Variants in CTSZ observed in about 807,000 individuals in gnomAD.
CTSZ encodes cathepsin Z.
CTSZ carries 39 observed loss-of-function variants against 32.4 expected under a neutral mutation model. The observed-to-expected ratio is 1.20, with a 90% CI of 0.93 to 1.57. The LOEUF (loss-of-function observed/expected upper bound fraction) is 1.57. Ranked by LOEUF, CTSZ falls within the 40% of genes most tolerant of loss-of-function variation. The pLI, the probability that CTSZ is intolerant of heterozygous loss-of-function variation, is 0.00. For synonymous variants in CTSZ, 168 were observed against 170.1 expected (o/e 0.99, Z 0.10); for missense variants, 397 against 419.6 (o/e 0.95, Z 0.47).
At chr20:58,998,643 A>G (rs1434775917) in intron 3 of CTSZ, among the ~76,000 whole-genome samples, 4 of 152,176 alleles carry the variant, frequency 2.6e-5, no homozygotes, top group African/African-American at 7.2e-5. Flanking sequence ...AGATGGCTTG[A>G]TACCAGGAGT....
chr20:59,000,506 T>TG, intron 3 of CTSZ, among the ~76,000 whole-genome samples: 1 of 152,232 alleles, frequency 6.6e-6, no homozygotes, highest in East Asian at 1.9e-4. Context: ...CAGGCTAGCT[T>TG]GGGTCTGCTC....
At chr20:59,006,535 C>G (rs1363059880) in intron 1 of CTSZ, 50 bp from the exon 2 acceptor site, 3 of 1,562,524 alleles carry the variant, frequency 1.9e-6, no homozygotes, top group Non-Finnish European at 2.6e-6. Context: ...TCCCGGGGGC[C>G]GTGGGCCCAG....
chr20:59,006,153 T>TCCCCCC, intron 2 of CTSZ, 169 bp downstream of exon 2: 1 of 817,120 alleles, frequency 1.2e-6, no homozygotes, highest in Admixed American at 3.0e-5. Flanking sequence ...CCAGCTTGGG[T>TCCCCCC]CACCTCAGCA....
At position 59,004,263 on chromosome 20, in the gene CTSZ, G is replaced by A. The variant is rs1481304943; in HGVS notation, c.307+2059C>T. 4.6e-5 allele frequency among the ~76,000 whole-genome samples: 7 copies of A among 152,098 alleles called. No homozygotes were observed. Among genetic ancestry groups the A allele is most frequent in the Admixed American group, 4.6e-4 (7 of 15,278 alleles). On this transcript the variant is annotated intron_variant, in intron 2 of 5. Transcript: ENST00000217131. This position sits in a 1 kb window ranked among gnomAD's most constrained non-coding sequence, Gnocchi z 5.6. The stretch of plus-strand genomic sequence containing the variant: ...GGGCGAGTGGGCAGGTGGATGTCAA[G>A]CTGAGTTCAGGTGAAGGGTTGGTCC...
intron 3 of CTSZ, among the ~76,000 whole-genome samples, chr20:59,000,249 A>AGG: frequency 6.8e-6 from 1 of 146,826 alleles, no homozygotes; most frequent in East Asian, 2.1e-4. Context: ...GTGGTGGCGC[A>AGG]TGCCTGTAAT....
chr20:58,995,958 A>C (rs562459999), intron 5 of CTSZ, among the ~76,000 whole-genome samples, 199 bp from the exon 6 acceptor site: 4 of 152,134 alleles, frequency 2.6e-5, no homozygotes, highest in Non-Finnish European at 5.9e-5. Context: ...TCACTTGGTT[A>C]ATGTTTAACA....
At chr20:59,000,999 T>C (rs1242333228) in intron 3 of CTSZ, among the ~76,000 whole-genome samples, 2 of 151,944 alleles carry the variant, frequency 1.3e-5, no homozygotes, top group Non-Finnish European at 2.9e-5. Context: ...CAGCTAATTT[T>C]TGTGCTTTTG....
rs1372141190 is a variant in CTSZ at position 58,995,697 on chromosome 20, G to T, written c.864C>A (p.Tyr288Ter). Residue 288 changes from tyrosine (Y) to a stop codon, truncating the protein, a stop_gained, in exon 6 of 6, where the codon TAC becomes TAA. Transcript: ENST00000217131. LOFTEE classifies it high-confidence loss of function. Reference protein sequence around the residue: ...STYKDGKGARYNLAIEEHCTF... With the variant: ...STYKDGKGAR ...TACAGTGCTCCTCGATGGCAAGGTT[G>T]TATCTGGCGCCCTTCCCATCCTTAT... 1.2e-5 allele frequency: 19 copies of T among 1,614,174 alleles called. No homozygotes were observed. The highest frequency in any genetic ancestry group is 1.6e-5 in the Non-Finnish European group (19 of 1,180,024).
intron 4 of CTSZ, 87 bp downstream of exon 4, chr20:58,997,516 A>G: frequency 7.7e-7 from 1 of 1,301,842 alleles, no homozygotes; most frequent in Non-Finnish European, 1.0e-6. Context: ...GTCACCGCGG[A>G]TCTCTCCTCA....
rs2091892270 is a variant in CTSZ at position 59,002,111 on chromosome 20, T to A, written c.308-467A>T. Among the ~76,000 whole-genome samples the A allele has an allele frequency of 6.6e-6, 1 of 152,216 alleles. No individual in the cohort carries two copies. The highest frequency in any genetic ancestry group is 1.5e-5 in the Non-Finnish European group (1 of 68,028). ...AACGAGTATAGCCCAGGGAGCCGCA[T>A]GAGCCCCAGTGAGGGGCCAGATGCG... On this transcript the variant is annotated intron_variant, in intron 2 of 5. Coordinates refer to ENST00000217131, the MANE Select transcript of CTSZ (RefSeq NM_001336.4). The surrounding 1 kb of genome is among the most constrained non-coding windows in gnomAD (Gnocchi z 4.1).
chr20:58,996,189 C>G (rs1013613985), intron 5 of CTSZ, among the ~76,000 whole-genome samples: 8 of 152,182 alleles, frequency 5.3e-5, no homozygotes, highest in African/African-American at 1.7e-4. Context: ...TTTCTCTCTC[C>G]TGGATTTTTG....
In CTSZ at chr20:59,002,659, C is replaced by G. The variant is rs1322021785; in HGVS notation, c.308-1015G>C. Among the ~76,000 whole-genome samples the G allele has an allele frequency of 6.6e-6, 1 of 151,904 alleles. No individual in the cohort carries two copies. Among genetic ancestry groups the G allele is most frequent in the Non-Finnish European group, 1.5e-5 (1 of 68,036 alleles). On this transcript the variant is annotated intron_variant, in intron 2 of 5. Coordinates refer to ENST00000217131, the MANE Select transcript of CTSZ (RefSeq NM_001336.4). This position sits in a 1 kb window ranked among gnomAD's most constrained non-coding sequence, Gnocchi z 4.1. ...CAGCCAGGGGCCTTCTGGAACTGTCCCTGCTCTGGTGACTTCACGCATCAC... is the reference window on the plus strand; with the variant it reads ...CAGCCAGGGGCCTTCTGGAACTGTCGCTGCTCTGGTGACTTCACGCATCAC...
At chr20:58,999,746 G>A (rs1258282531) in intron 3 of CTSZ, among the ~76,000 whole-genome samples, 1 of 152,214 alleles carries the variant, frequency 6.6e-6, no homozygotes. Flanking sequence ...TGCTCTGGCT[G>A]TGAGGGAGAT....
At chr20:58,999,358 G>A (rs2091877441) in intron 3 of CTSZ, among the ~76,000 whole-genome samples, 2 of 152,162 alleles carry the variant, frequency 1.3e-5, no homozygotes, top group African/African-American at 2.4e-5. Flanking sequence ...GGTTTCTGAT[G>A]AGCTCCATCT....
rs149057628 is a variant in CTSZ at position 58,996,756 on chromosome 20, G to A, written c.684C>T (p.Gly228=). ...ATERLANYTG[G]IYAEYQDTTY... ...TGGTGTCCTGGTATTCGGCATAGAT[G>A]CCTCCGGTGTAGTTAGCCAGTCTTT... is the stretch of plus-strand genomic sequence containing the variant. The change falls in exon 5 of 6, where the codon GGC becomes GGT. Residue 228 remains glycine (G), a synonymous_variant. Transcript: ENST00000217131. 3.0e-4 allele frequency: 477 copies of A among 1,614,206 alleles called. 3 individuals are homozygous for A. The East Asian group carries it at 9.9e-3, about 34-fold the overall frequency.
intron 1 of CTSZ, 109 bp downstream of exon 1, chr20:59,006,877 A>G: frequency 1.0e-6 from 1 of 979,888 alleles, no homozygotes; most frequent in Non-Finnish European, 1.4e-6. Flanking sequence ...GCTGGATCTG[A>G]CCTTCCAAGG....
intron 3 of CTSZ, among the ~76,000 whole-genome samples, chr20:58,998,174 T>C (rs1318078808): frequency 2.6e-5 from 4 of 152,130 alleles, no homozygotes; most frequent in African/African-American, 4.8e-5. Context: ...AAAAGCATTT[T>C]CTTCTGTGCC....
chr20:58,999,986 G>A (rs1047603886), intron 3 of CTSZ, among the ~76,000 whole-genome samples: 3 of 151,402 alleles, frequency 2.0e-5, no homozygotes, highest in Non-Finnish European at 4.4e-5. Context: ...GGAGAGTGGC[G>A]TGAACCCGGG....
chr20:59,001,169 C>T (rs1396507965), intron 3 of CTSZ, among the ~76,000 whole-genome samples: 2 of 152,184 alleles, frequency 1.3e-5, no homozygotes, highest in Admixed American at 6.5e-5. Context: ...CAGGCTTTTT[C>T]GTTGGGCTTC....
Sources: allele counts gnomAD v4.1 joint callset (sites outside exome capture counted in the v4.1 genomes callset), GRCh38; gene constraint gnomAD v4.1.1; non-coding constraint Gnocchi (gnomAD v3.1); transcripts MANE v1.5; gene names NCBI Gene and HGNC (gene_info 2026-07-23, HGNC 2026-07-21).